ADAD1: variants seen among roughly 807,000 people sequenced by gnomAD.
ADAD1 encodes adenosine deaminase domain containing 1.
ADAD1 carries 46 observed loss-of-function variants against 66.8 expected under a neutral mutation model. The observed-to-expected ratio is 0.69, with a 90% CI of 0.54 to 0.88. The LOEUF (loss-of-function observed/expected upper bound fraction) is 0.88, where lower values mean the gene tolerates loss of function less well. Ranked by LOEUF, ADAD1 falls within the 40% of genes least tolerant of loss-of-function variation. The probability of loss-of-function intolerance (pLI) is 0.00; values close to 1 mark genes in which losing one functional copy is unlikely to be tolerated. For missense variants in ADAD1, 617 were observed against 681.8 expected, an observed-to-expected ratio of 0.91 and a Z score of 1.06; for synonymous variants, 248 against 229.4, an observed-to-expected ratio of 1.08 and a Z score of -0.73.
chr4:122,401,056 G>T (rs1795952800), intron 7 of ADAD1, among the ~76,000 whole-genome samples: 1 of 151,938 alleles, frequency 6.6e-6, no homozygotes, highest in South Asian at 2.1e-4. Context: ...GGTTTGGTTT[G>T]TTCTTGTTTC....
chr4:122,400,744 C>T (rs903179877), intron 7 of ADAD1, among the ~76,000 whole-genome samples: 1 of 151,980 alleles, frequency 6.6e-6, no homozygotes, highest in African/African-American at 2.4e-5. Context: ...TTGTCTGTTT[C>T]CAGGAATTTA....
At chr4:122,421,020 G>A (rs1214468901) in intron 11 of ADAD1, among the ~76,000 whole-genome samples, 1 of 151,994 alleles carries the variant, frequency 6.6e-6, no homozygotes, top group East Asian at 1.9e-4. Context: ...CAATAGAAAT[G>A]TTCCAAGGTC....
At chr4:122,425,611 A>AAC (rs1418120748) in intron 12 of ADAD1, among the ~76,000 whole-genome samples, 4 of 151,818 alleles carry the variant, frequency 2.6e-5, no homozygotes, top group African/African-American at 9.7e-5. Flanking sequence ...AAAAGTAAAA[A>AAC]AAAAAATACA....
intron 8 of ADAD1, among the ~76,000 whole-genome samples, chr4:122,409,983 T>TA (rs1796398235): frequency 6.6e-6 from 1 of 152,136 alleles, no homozygotes; most frequent in African/African-American, 2.4e-5. Context: ...CCTGGCCTCT[T>TA]ACGGATGTTT....
chr4:122,380,015 A>C (rs956955234), intron 2 of ADAD1, 47 bp from the exon 3 acceptor site: 4 of 1,542,830 alleles, frequency 2.6e-6, no homozygotes, highest in Non-Finnish European at 3.5e-6. Context: ...TTTTCAGTTT[A>C]CATAGCGTTT....
At chr4:122,399,740 C>CTTTTTTTTTTTT (rs145100591) in intron 7 of ADAD1, among the ~76,000 whole-genome samples, 1 of 110,532 alleles carries the variant, frequency 9.0e-6, no homozygotes, top group Non-Finnish European at 1.9e-5. Flanking sequence ...ATTTTCTTTT[C>CTTTTTTTTTTTT]TTTTTTTTTT....
chr4:122,408,110 A>T (rs1796300107), intron 8 of ADAD1, 79 bp downstream of exon 8: 1 of 1,420,630 alleles, frequency 7.0e-7, no homozygotes. Context: ...GTCTTCATTT[A>T]CAAATGGAAT....
At chr4:122,394,997 A>C (rs183256869) in intron 6 of ADAD1, among the ~76,000 whole-genome samples, 1 of 152,294 alleles carries the variant, frequency 6.6e-6, no homozygotes. Flanking sequence ...GGCCAGTTAC[A>C]GAGGTAGTCA....
At chr4:122,420,554 C>A (rs1430155847) in intron 11 of ADAD1, among the ~76,000 whole-genome samples, 1 of 152,200 alleles carries the variant, frequency 6.6e-6, no homozygotes, top group Non-Finnish European at 1.5e-5. Context: ...AAGGGAAAAT[C>A]AGCCATGCCT....
At chr4:122,388,951 T>G (rs911082010) in intron 5 of ADAD1, among the ~76,000 whole-genome samples, 3 of 152,158 alleles carry the variant, frequency 2.0e-5, no homozygotes, top group African/African-American at 7.2e-5. Context: ...CTCTTTTAAT[T>G]GATGTTCGGG....
chr4:122,409,755 A>T (rs1365474797), intron 8 of ADAD1, among the ~76,000 whole-genome samples: 1 of 150,922 alleles, frequency 6.6e-6, no homozygotes, highest in African/African-American at 2.4e-5. Context: ...GCTGGAGTGC[A>T]ATGGCGAGAT....
At chr4:122,427,747 G>A (rs1217042753) in intron 12 of ADAD1, among the ~76,000 whole-genome samples, 1 of 151,714 alleles carries the variant, frequency 6.6e-6, no homozygotes, top group African/African-American at 2.4e-5. Flanking sequence ...TGTTGGCCAG[G>A]CAGGTCTCGA....
intron 7 of ADAD1, among the ~76,000 whole-genome samples, chr4:122,401,243 A>G (rs1795964441): frequency 6.6e-6 from 1 of 151,984 alleles, no homozygotes; most frequent in African/African-American, 2.4e-5. Context: ...TTTCCATTTG[A>G]TTTCATTGTT....
chr4:122,408,094 A>G (rs2150575038), intron 8 of ADAD1, 63 bp downstream of exon 8: 2 of 1,475,314 alleles, frequency 1.4e-6, no homozygotes, highest in East Asian at 2.4e-5. Flanking sequence ...GTAACTTCAT[A>G]TAAATGTCTT....
At chr4:122,383,998 G>T (rs201856156) in intron 5 of ADAD1, 32 bp downstream of exon 5, 20 of 1,521,248 alleles carry the variant, frequency 1.3e-5, no homozygotes, top group South Asian at 1.3e-5. Flanking sequence ...GTATTTATAA[G>T]AGGTATCATT....
intron 5 of ADAD1, among the ~76,000 whole-genome samples, chr4:122,387,562 C>A (rs1795230141): frequency 6.6e-6 from 1 of 151,920 alleles, no homozygotes; most frequent in African/African-American, 2.4e-5. Context: ...CTGGCCAGAA[C>A]TTCCAAAACT....
At chr4:122,380,317 C>T in intron 3 of ADAD1, 76 bp downstream of exon 3, 1 of 1,508,834 alleles carries the variant, frequency 6.6e-7, no homozygotes. Flanking sequence ...TGTCGAGTCT[C>T]TGGTTTAAAG....
intron 6 of ADAD1, among the ~76,000 whole-genome samples, chr4:122,394,082 G>T (rs1246545182): frequency 1.3e-5 from 2 of 152,094 alleles, no homozygotes. Flanking sequence ...GTTACTAGTT[G>T]TGTGACCTAG....
intron 10 of ADAD1, among the ~76,000 whole-genome samples, chr4:122,414,282 G>GT (rs992619476): frequency 8.1e-6 from 1 of 123,054 alleles, no homozygotes; most frequent in East Asian, 2.5e-4. Flanking sequence ...TTTTGGGGGG[G>GT]GGGGTACAAC....
Sources: gnomAD v4.1 joint callset for allele counts (sites outside exome capture counted in the v4.1 genomes callset) on GRCh38, gnomAD v4.1.1 for gene constraint, MANE v1.5 for transcripts, NCBI Gene and HGNC (gene_info 2026-07-23, HGNC 2026-07-21) for gene names.